The following PDE10A variants were observed in gnomAD, a reference collection of about 807,000 sequenced individuals.
The protein encoded by PDE10A is phosphodiesterase 10A, also known as cAMP and cAMP-inhibited cGMP 3',5'-cyclic phosphodiesterase 10A.
Under a neutral mutation model 97.7 loss-of-function variants are expected in PDE10A, and 39 were observed. The observed-to-expected ratio is 0.40, with a 90% CI of 0.31 to 0.52. The LOEUF is 0.52. Among genes scored for constraint, PDE10A ranks in the 20% least tolerant of loss-of-function variants. The probability of loss-of-function intolerance (pLI) is 0.56; values close to 1 mark genes in which losing one functional copy is unlikely to be tolerated. For synonymous variants in PDE10A, 371 were observed against 376.8 expected, an observed-to-expected ratio of 0.98 and a Z score of 0.18; for missense variants, 731 against 1,047.8, an observed-to-expected ratio of 0.70 and a Z score of 4.17.
intron 1 of PDE10A, among the ~76,000 whole-genome samples, chr6:165,560,656 T>C (rs1161497468): frequency 2.0e-5 from 3 of 152,228 alleles, no homozygotes; most frequent in Non-Finnish European, 4.4e-5. Flanking sequence ...AAGAAACGTA[T>C]TTTCCAAACT....
Position 165,655,916 on chromosome 6 carries a change from A to G in PDE10A, c.865+6031T>C, listed in dbSNP as rs773143756. Among the ~76,000 whole-genome samples the G allele has an allele frequency of 1.0e-3, 158 of 151,996 alleles. No homozygotes were observed. The highest frequency in any genetic ancestry group is 1.8e-3 in the Admixed American group (27 of 15,278). ...CTCTGCCTAGGGTGCTTTTCCCCAG[A>G]TAACTGCATGGCCGATGACACCTTG... On this transcript the variant is annotated intron_variant, in intron 1 of 21. Coordinates refer to ENST00000539869, the MANE Select transcript of PDE10A (RefSeq NM_001385079.1). This position sits in a 1 kb window ranked among gnomAD's most constrained non-coding sequence, Gnocchi z 4.5.
At chr6:165,747,157 C>A (rs1049322783) in intron 1 of PDE10A, among the ~76,000 whole-genome samples, 5 of 152,104 alleles carry the variant, frequency 3.3e-5, no homozygotes, top group Non-Finnish European at 7.4e-5. Context: ...AAGTGGTTGA[C>A]ACTTTTACAT....
At chr6:165,455,738 C>T (rs535682605) in intron 3 of PDE10A, among the ~76,000 whole-genome samples, 1 of 152,264 alleles carries the variant, frequency 6.6e-6, no homozygotes, top group African/African-American at 2.4e-5. Flanking sequence ...GCTGATTCCC[C>T]CTCCCATTAG....
At chr6:165,530,705 A>G (rs541297276) in intron 2 of PDE10A, among the ~76,000 whole-genome samples, 3 of 152,292 alleles carry the variant, frequency 2.0e-5, no homozygotes, top group East Asian at 3.9e-4. Flanking sequence ...ATAGATATAA[A>G]AAGTTTTTGC....
At chr6:165,913,538 G>C (rs1047650769) in intron 1 of PDE10A, among the ~76,000 whole-genome samples, 1 of 152,110 alleles carries the variant, frequency 6.6e-6, no homozygotes, top group Middle Eastern at 3.4e-3. Context: ...TTTTATTGTT[G>C]TATTGTTGTT....
At chr6:165,812,051 A>T (rs2128467467) in intron 1 of PDE10A, among the ~76,000 whole-genome samples, 1 of 152,012 alleles carries the variant, frequency 6.6e-6, no homozygotes. Context: ...ACGGGGTTTC[A>T]CCATATTGGC....
chr6:165,818,582 T>A (rs1404553430), intron 1 of PDE10A, among the ~76,000 whole-genome samples: 1 of 151,862 alleles, frequency 6.6e-6, no homozygotes, highest in East Asian at 1.9e-4. Flanking sequence ...GTGAAGAGAG[T>A]CCTATCTAAT....
At chr6:165,523,749 A>G (rs888585064) in intron 2 of PDE10A, among the ~76,000 whole-genome samples, 1 of 152,150 alleles carries the variant, frequency 6.6e-6, no homozygotes, top group African/African-American at 2.4e-5. Context: ...TAATTGCAAT[A>G]AAAACAAAAA....
In PDE10A at chr6:165,819,743, G is replaced by A. The variant is rs760144197; in HGVS notation, c.-615+167786C>T. On this transcript the variant is annotated intron_variant, in intron 1 of 19. Transcript: ENST00000366882. This position sits in a 1 kb window ranked among gnomAD's most constrained non-coding sequence, Gnocchi z 4.2. ...CGCCCTCCCGCTGTGAGCACATTCC[G>A]GCCAGGATCTGAAACCTACTGCAGT... Among the ~76,000 whole-genome samples, 2 of 152,138 alleles carry A rather than the reference G, an allele frequency of 1.3e-5. No homozygotes were observed. Among genetic ancestry groups the A allele is most frequent in the African/African-American group, 2.4e-5 (1 of 41,424 alleles).
intron 1 of PDE10A, among the ~76,000 whole-genome samples, chr6:165,818,229 G>A (rs969995291): frequency 5.9e-5 from 9 of 152,064 alleles, no homozygotes; most frequent in East Asian, 1.9e-4. Context: ...TTATTCACCC[G>A]CCTTTCCCCA....
At chr6:165,523,047 C>A (rs1262844916) in intron 2 of PDE10A, among the ~76,000 whole-genome samples, 1 of 151,206 alleles carries the variant, frequency 6.6e-6, no homozygotes, top group African/African-American at 2.4e-5. Flanking sequence ...AAAAAAAATA[C>A]CTAGGAATGC....
chr6:165,580,392 G>A (rs1479388633), intron 1 of PDE10A, among the ~76,000 whole-genome samples: 1 of 152,176 alleles, frequency 6.6e-6, no homozygotes, highest in African/African-American at 2.4e-5. Context: ...CAAACAGTTT[G>A]ATGTTGCCAG....
At chr6:165,969,381 C>T (rs1249164114) in intron 1 of PDE10A, among the ~76,000 whole-genome samples, 4 of 151,922 alleles carry the variant, frequency 2.6e-5, no homozygotes, top group East Asian at 1.9e-4. Context: ...GGCGTGGCAG[C>T]GGTTATGGGA....
intron 1 of PDE10A, among the ~76,000 whole-genome samples, chr6:165,587,359 T>C (rs547120335): frequency 8.4e-4 from 128 of 152,278 alleles, no homozygotes; most frequent in African/African-American, 2.7e-3. Flanking sequence ...AGCTCTTGAA[T>C]TGAAATTTAA....
chr6:165,720,606 G>C (rs1243852156), intron 1 of PDE10A, among the ~76,000 whole-genome samples: 1 of 152,202 alleles, frequency 6.6e-6, no homozygotes, highest in Non-Finnish European at 1.5e-5. Context: ...CTTCTGGTTT[G>C]GATGTGAACA....
chr6:165,734,163 A>G (rs530268736), intron 1 of PDE10A, among the ~76,000 whole-genome samples: 1 of 152,300 alleles, frequency 6.6e-6, no homozygotes, highest in African/African-American at 2.4e-5. Flanking sequence ...TTAAAGAAAA[A>G]GTGTTGATAA....
At chr6:165,729,491 G>A (rs925813236) in intron 1 of PDE10A, among the ~76,000 whole-genome samples, 5 of 152,136 alleles carry the variant, frequency 3.3e-5, no homozygotes, top group African/African-American at 1.2e-4. Context: ...AGCACTACCT[G>A]CTCCTACCAC....
intron 1 of PDE10A, among the ~76,000 whole-genome samples, chr6:165,844,218 T>C (rs866750132): frequency 5.0e-4 from 76 of 152,276 alleles, no homozygotes; most frequent in African/African-American, 1.7e-3. Flanking sequence ...TGGTTTGGGC[T>C]GTAGAGTTGG....
At chr6:165,782,160 A>C (rs533624566) in intron 1 of PDE10A, among the ~76,000 whole-genome samples, 1 of 152,358 alleles carries the variant, frequency 6.6e-6, no homozygotes, top group East Asian at 1.9e-4. Flanking sequence ...ATAGTTCAAA[A>C]TCTAATCACA....
Sources: gnomAD v4.1 joint callset for allele counts (sites outside exome capture counted in the v4.1 genomes callset) on GRCh38, gnomAD v4.1.1 for gene constraint, Gnocchi (gnomAD v3.1) non-coding constraint, MANE v1.5 for transcripts, NCBI Gene and HGNC (gene_info 2026-07-23, HGNC 2026-07-21) for gene names.